CAPZB: variants seen among roughly 807,000 people sequenced by gnomAD.
CAPZB encodes the protein F-actin-capping protein subunit beta.
In CAPZB, 2 loss-of-function variants were observed where a neutral mutation model predicts 38.1. The ratio of observed to expected loss-of-function variants is 0.05; its 90% confidence interval spans 0.02 to 0.17. The LOEUF is 0.17. Among genes scored for constraint, CAPZB ranks in the 10% least tolerant of loss-of-function variants. CAPZB has a pLI of 1.00. For missense variants in CAPZB, 161 were observed against 334.2 expected, an observed-to-expected ratio of 0.48 and a Z score of 4.04; for synonymous variants, 107 against 127.4, an observed-to-expected ratio of 0.84 and a Z score of 1.08.
chr1:19,449,649 G>A (rs66932922), intron 1 of CAPZB, among the ~76,000 whole-genome samples: 38,991 of 151,608 alleles, frequency 0.26, 5,098 homozygotes, highest in Non-Finnish European at 0.27. Context: ...TTAGCTGGGC[G>A]TGGTGCGTGC....
intron 2 of CAPZB, among the ~76,000 whole-genome samples, chr1:19,399,000 G>A (rs2094288740): frequency 6.6e-6 from 1 of 151,960 alleles, no homozygotes; most frequent in Non-Finnish European, 1.5e-5. Context: ...GGGACTACAG[G>A]TGCTTGCCAC....
At chr1:19,405,678 T>C (rs1178620239) in intron 2 of CAPZB, among the ~76,000 whole-genome samples, 1 of 151,680 alleles carries the variant, frequency 6.6e-6, no homozygotes, top group East Asian at 1.9e-4. Context: ...AGAGTCCCAA[T>C]ATATTCCAGA....
intron 2 of CAPZB, among the ~76,000 whole-genome samples, chr1:19,407,729 C>T (rs930390190): frequency 6.6e-6 from 1 of 152,180 alleles, no homozygotes; most frequent in African/African-American, 2.4e-5. Context: ...CATCCAGCCA[C>T]GCTCTTGTCT....
At chr1:19,382,538 G>T (rs1341831815) in intron 3 of CAPZB, among the ~76,000 whole-genome samples, 1 of 152,152 alleles carries the variant, frequency 6.6e-6, no homozygotes, top group Non-Finnish European at 1.5e-5. Context: ...AGAAGACCTT[G>T]AAGTTTCATA....
In CAPZB at chr1:19,357,396, G is replaced by C; in HGVS notation, c.471+26C>G. 6.2e-7 allele frequency: 1 copy of C among 1,611,902 alleles called. No homozygotes were observed. Among genetic ancestry groups the C allele is most frequent in the Non-Finnish European group, 8.5e-7 (1 of 1,178,914 alleles). ...TGTGCCATCTGTACTTAGTGGCCCG[G>C]GCCACCAGCTGCTGGGAGGCAGTAC... On this transcript the variant is annotated intron_variant, in intron 5 of 8. Transcript: ENST00000264202. This position sits in a 1 kb window ranked among gnomAD's most constrained non-coding sequence, Gnocchi z 4.3.
intron 1 of CAPZB, among the ~76,000 whole-genome samples, chr1:19,473,505 G>A (rs905585994): frequency 2.0e-5 from 3 of 152,206 alleles, no homozygotes; most frequent in African/African-American, 7.2e-5. Context: ...CTGAAAGTCA[G>A]GATCTGTCCT....
intron 1 of CAPZB, among the ~76,000 whole-genome samples, chr1:19,440,696 C>T (rs1052547354): frequency 1.5e-4 from 23 of 152,140 alleles, no homozygotes; most frequent in Non-Finnish European, 2.6e-4. Flanking sequence ...ATCCGTGCAC[C>T]CAACGCTACT....
chr1:19,464,235 A>G (rs1190310812), intron 1 of CAPZB, among the ~76,000 whole-genome samples: 1 of 151,792 alleles, frequency 6.6e-6, no homozygotes, highest in East Asian at 1.9e-4. Context: ...AAAGGAGGAA[A>G]GGAAGAAAGA....
intron 2 of CAPZB, among the ~76,000 whole-genome samples, chr1:19,413,667 T>C (rs1333633380): frequency 2.0e-5 from 3 of 152,070 alleles, no homozygotes; most frequent in Non-Finnish European, 4.4e-5. Context: ...GTCTTTGAAA[T>C]AAAGGACGAA....
rs562119651 is a variant in CAPZB at position 19,360,351 on chromosome 1, C to T, written c.330-2788G>A. Among the ~76,000 whole-genome samples the T allele has an allele frequency of 3.3e-5, 5 of 152,354 alleles. No homozygotes were observed. The South Asian group carries it at 6.2e-4, about 19-fold the overall frequency. On this transcript the variant is annotated intron_variant, in intron 4 of 8. Transcript: ENST00000264202. ...AAGAAAAACAAACAAAAAAACCCTA[C>T]TTTGCTGGCAAAAAGGATGGGCCAA...
At chr1:19,396,705 C>T (rs1017450973) in intron 2 of CAPZB, among the ~76,000 whole-genome samples, 2 of 151,736 alleles carry the variant, frequency 1.3e-5, no homozygotes, top group African/African-American at 2.4e-5. Context: ...CTTTGGGAGG[C>T]CGAGGCAGGA....
intron 6 of CAPZB, among the ~76,000 whole-genome samples, chr1:19,346,768 T>C (rs2093963427): frequency 1.3e-5 from 2 of 150,502 alleles, no homozygotes; most frequent in Non-Finnish European, 2.9e-5. Flanking sequence ...AACCGACCTG[T>C]GATTGAAATC....
intron 1 of CAPZB, chr1:19,448,742 TCTC>T (rs745521961): frequency 1.3e-4 from 186 of 1,464,160 alleles, no homozygotes; most frequent in Middle Eastern, 1.7e-4. Flanking sequence ...GCTATTTACT[TCTC>T]CCTTCACCCT....
chr1:19,345,611 G>GCAGGCC (rs1195838271), intron 6 of CAPZB, among the ~76,000 whole-genome samples: 2 of 152,378 alleles, frequency 1.3e-5, no homozygotes, highest in East Asian at 1.9e-4. Flanking sequence ...GCCTCTACTG[G>GCAGGCC]CAGGCCCAGG....
intron 2 of CAPZB, among the ~76,000 whole-genome samples, chr1:19,386,344 T>G (rs1490060869): frequency 2.0e-5 from 3 of 152,148 alleles, no homozygotes; most frequent in Non-Finnish European, 4.4e-5. Context: ...TCCTCCCAAC[T>G]CAAACATCAA....
chr1:19,385,875 G>A (rs554260081), intron 2 of CAPZB: 2 of 602,848 alleles, frequency 3.3e-6, no homozygotes, highest in East Asian at 3.5e-5. Flanking sequence ...TCCAAAAACT[G>A]TGTGCAGCTT....
intron 1 of CAPZB, among the ~76,000 whole-genome samples, chr1:19,431,422 G>A (rs1221059881): frequency 3.3e-5 from 5 of 152,156 alleles, no homozygotes; most frequent in Non-Finnish European, 5.9e-5. Context: ...ATTTTGGGCC[G>A]GGCACGGTGG....
At chr1:19,359,083 G>A (rs1265482636) in intron 4 of CAPZB, among the ~76,000 whole-genome samples, 1 of 151,974 alleles carries the variant, frequency 6.6e-6, no homozygotes, top group Non-Finnish European at 1.5e-5. Flanking sequence ...CTGCCAAACG[G>A]TTAATGTAAA....
chr1:19,344,540 G>A, intron 7 of CAPZB, 106 bp from the exon 8 acceptor site: 1 of 862,142 alleles, frequency 1.2e-6, no homozygotes. Flanking sequence ...CCACTGGAGG[G>A]TGGCACACGC....
Sources: gnomAD v4.1 joint callset for allele counts (sites outside exome capture counted in the v4.1 genomes callset) on GRCh38, gnomAD v4.1.1 for gene constraint, Gnocchi (gnomAD v3.1) non-coding constraint, MANE v1.5 for transcripts, NCBI Gene and HGNC (gene_info 2026-07-23, HGNC 2026-07-21) for gene names.